Variants in ZNF184 observed in about 807,000 individuals in gnomAD.
ZNF184 encodes the protein zinc finger protein 184 (Kruppel-like).
A neutral mutation model predicts 54.4 loss-of-function variants in ZNF184; 16 were observed. The observed-to-expected ratio is 0.29, with a 90% CI of 0.20 to 0.45. ZNF184 has a LOEUF of 0.45. Among genes scored for constraint, ZNF184 ranks in the 20% least tolerant of loss-of-function variants. ZNF184 has a pLI of 1.00. For missense variants in ZNF184, 681 were observed against 888.2 expected, an observed-to-expected ratio of 0.77 and a Z score of 2.97; for synonymous variants, 254 against 295.3, an observed-to-expected ratio of 0.86 and a Z score of 1.43.
At chr6:27,444,551 A>C in the ZNF184 span, among the ~76,000 whole-genome samples, 1 of 152,130 alleles carries the variant, frequency 6.6e-6, no homozygotes, top group Non-Finnish European at 1.5e-5. Context: ...TGGAAAACTC[A>C]AGTATTCAAA....
At position 27,452,777 on chromosome 6, in the gene ZNF184, C is replaced by T. The variant is rs201146542; in HGVS notation, c.782G>A (p.Arg261Gln). The change falls in exon 6 of 6, where the codon CGG becomes CAG. Residue 261 changes from arginine (R) to glutamine (Q), a missense_variant. Coordinates refer to ENST00000683788, the MANE Select transcript of ZNF184 (RefSeq NM_001318891.2). This position sits in a 1 kb window ranked among gnomAD's most constrained non-coding sequence, Gnocchi z 5.5. Reference sequence around the variant, plus strand: ...TTGATGGTTTATAAGGTTTTCACTCCGGCTGAAGGCTTTTTCACATTCATT... The same window carrying T: ...TTGATGGTTTATAAGGTTTTCACTCTGGCTGAAGGCTTTTTCACATTCATT... ...KCNECEKAFS[R>Q]SENLINHQRI... 2.1e-5 allele frequency: 34 copies of T among 1,613,234 alleles called. No individual in the cohort carries two copies. The highest frequency in any genetic ancestry group is 1.5e-4 in the Admixed American group (9 of 59,836).
chr6:27,447,164 G>C (rs894874568), downstream of ZNF184, among the ~76,000 whole-genome samples: 5 of 151,834 alleles, frequency 3.3e-5, no homozygotes, highest in Non-Finnish European at 7.4e-5. Context: ...TGAATGGAGA[G>C]AATTTGCCTC....
the ZNF184 span, among the ~76,000 whole-genome samples, chr6:27,425,013 A>G: frequency 6.6e-5 from 10 of 152,166 alleles, no homozygotes; most frequent in African/African-American, 9.7e-5. Flanking sequence ...CGAGCGCAGC[A>G]CCGGTGGGCT....
At chr6:27,412,221 G>A in the ZNF184 span, among the ~76,000 whole-genome samples, 2 of 152,186 alleles carry the variant, frequency 1.3e-5, no homozygotes, top group African/African-American at 4.8e-5. Context: ...CATAGTCTGC[G>A]AGGTTGCACG....
At chr6:27,465,669 A>C (rs950611139) in intron 3 of ZNF184, among the ~76,000 whole-genome samples, 1 of 152,108 alleles carries the variant, frequency 6.6e-6, no homozygotes, top group African/African-American at 2.4e-5. Context: ...CTCAACGATA[A>C]AGGAGTCAAC....
chr6:27,411,356 G>A, the ZNF184 span, among the ~76,000 whole-genome samples: 1 of 152,216 alleles, frequency 6.6e-6, no homozygotes, highest in Admixed American at 6.5e-5. Flanking sequence ...ACGAATTTTG[G>A]GGATGTTCCG....
rs1422793828 is a variant in ZNF184 at position 27,451,944 on chromosome 6, A to G, written c.1615T>C (p.Phe539Leu). The change falls in exon 6 of 6, where the codon TTT becomes CTT. Residue 539 changes from phenylalanine (F) to leucine (L), a missense_variant. Phe to Leu is a conservative substitution (Grantham distance 22). Coordinates refer to ENST00000683788, the MANE Select transcript of ZNF184 (RefSeq NM_001318891.2). ...AYECKECGKA[F>L]IRSSSLAKHE... The stretch of plus-strand genomic sequence containing the variant: ...TTAGCAAGAGATGAACTCCGAATAA[A>G]AGCTTTCCCACATTCTTTACATTCA... 1.2e-6 allele frequency: 2 copies of G among 1,613,144 alleles called. No homozygotes were observed. Among genetic ancestry groups the G allele is most frequent in the Non-Finnish European group, 1.7e-6 (2 of 1,179,986 alleles).
the ZNF184 span, among the ~76,000 whole-genome samples, chr6:27,422,140 C>CAAAAA: frequency 1.4e-4 from 4 of 29,350 alleles, no homozygotes; most frequent in South Asian, 2.3e-3. Context: ...GGCCGTACCT[C>CAAAAA]AAAAAAAAAA....
At chr6:27,457,522 T>G in intron 3 of ZNF184, 113 bp from the exon 4 acceptor site, 2 of 1,166,320 alleles carry the variant, frequency 1.7e-6, no homozygotes, top group Non-Finnish European at 2.4e-6. Context: ...AAAATAATCT[T>G]GACATTTTCT....
chr6:27,467,903 A>C lies in ZNF184; in HGVS notation c.25T>G (p.Ser9Ala). 3 of 1,611,730 alleles carry C rather than the reference A, an allele frequency of 1.9e-6. No homozygotes were observed. The highest frequency in any genetic ancestry group is 2.5e-6 in the Non-Finnish European group (3 of 1,178,916). The change falls in exon 3 of 6, where the codon TCC (serine) becomes GCC (alanine). Residue 9 changes from serine to alanine, a missense_variant. Physicochemically the swap from Ser to Ala is moderately conservative, Grantham distance 99. Transcript: ENST00000683788. ...TTATGTCCCCCTTGGAGAAGGGTGGAGTCTGGAGAGGACAGATCTAGGGGG... is the reference window on the plus strand; with the variant it reads ...TTATGTCCCCCTTGGAGAAGGGTGGCGTCTGGAGAGGACAGATCTAGGGGG... The part of the protein sequence containing the change: MEDLSSPD[S>A]TLLQGGHNLL...
chr6:27,414,843 G>A, the ZNF184 span, among the ~76,000 whole-genome samples: 9 of 152,016 alleles, frequency 5.9e-5, no homozygotes, highest in African/African-American at 2.2e-4. Flanking sequence ...TTATCTAAAT[G>A]CAACTTTAAA....
the ZNF184 span, among the ~76,000 whole-genome samples, chr6:27,426,436 CT>C: frequency 6.6e-6 from 1 of 152,118 alleles, no homozygotes; most frequent in Non-Finnish European, 1.5e-5. This position sits in a 1 kb window ranked among gnomAD's most constrained non-coding sequence, Gnocchi z 4.2. Context: ...CCTCCTCTGC[CT>C]TTAGAAGGTG....
intron 3 of ZNF184, among the ~76,000 whole-genome samples, chr6:27,460,568 A>G (rs1762970731): frequency 6.6e-6 from 1 of 152,236 alleles, no homozygotes. Flanking sequence ...GCAGGGAGGC[A>G]GAGCTCTACC....
At chr6:27,435,705 G>C in the ZNF184 span, among the ~76,000 whole-genome samples, 9 of 152,138 alleles carry the variant, frequency 5.9e-5, no homozygotes, top group Non-Finnish European at 1.0e-4. Context: ...TATGTTGCAT[G>C]ACCTCGGAAC....
chr6:27,428,967 G>A, the ZNF184 span, among the ~76,000 whole-genome samples: 1 of 152,314 alleles, frequency 6.6e-6, no homozygotes, highest in South Asian at 2.1e-4. This position sits in a 1 kb window ranked among gnomAD's most constrained non-coding sequence, Gnocchi z 4.1. Flanking sequence ...CGCCTCAGCA[G>A]CAGACACAAA....
At chr6:27,422,146 A>AG in the ZNF184 span, among the ~76,000 whole-genome samples, 4 of 67,036 alleles carry the variant, frequency 6.0e-5, no homozygotes, top group African/African-American at 2.5e-4. Context: ...ACCTCAAAAA[A>AG]AAAAAGAAAG....
At chr6:27,424,083 T>C in the ZNF184 span, among the ~76,000 whole-genome samples, 113,098 of 152,068 alleles carry the variant, frequency 0.74, 42,223 homozygotes, top group Middle Eastern at 0.83. Context: ...TTTGTTCCTT[T>C]TGATGTTTAG....
At chr6:27,407,503 G>T in the ZNF184 span, among the ~76,000 whole-genome samples, 682 of 152,276 alleles carry the variant, frequency 4.5e-3, 3 homozygotes, top group African/African-American at 0.016. Flanking sequence ...GGGCAGCAGC[G>T]CCTGCACAAG....
the ZNF184 span, among the ~76,000 whole-genome samples, chr6:27,411,768 G>A: frequency 0.59 from 89,458 of 152,158 alleles, 26,784 homozygotes; most frequent in Middle Eastern, 0.75. Context: ...ATAATCTCCT[G>A]TTTTACAAGG....
Sources: allele counts gnomAD v4.1 joint callset (sites outside exome capture counted in the v4.1 genomes callset), GRCh38; gene constraint gnomAD v4.1.1; non-coding constraint Gnocchi (gnomAD v3.1); transcripts MANE v1.5; gene names NCBI Gene and HGNC (gene_info 2026-07-23, HGNC 2026-07-21).